Variants in ABHD6 observed in about 807,000 individuals in gnomAD.
ABHD6 encodes the protein monoacylglycerol lipase ABHD6.
In ABHD6, 33 loss-of-function variants were observed where a neutral mutation model predicts 38.8. The observed-to-expected ratio is 0.85, with a 90% CI of 0.64 to 1.14. The LOEUF (loss-of-function observed/expected upper bound fraction) is 1.14. ABHD6 is among the 50% of genes most tolerant of loss of function. The probability of loss-of-function intolerance (pLI) is 0.00; values close to 1 mark genes in which losing one functional copy is unlikely to be tolerated. For synonymous variants in ABHD6, 147 were observed against 161.6 expected (o/e 0.91, Z 0.69); for missense variants, 380 against 422.6 (o/e 0.90, Z 0.88).
intron 3 of ABHD6, among the ~76,000 whole-genome samples, chr3:58,261,767 T>C (rs747167199): frequency 1.3e-5 from 2 of 152,192 alleles, no homozygotes; most frequent in African/African-American, 2.4e-5. Context: ...TGTAAAATAG[T>C]ATAGTTGCTA....
rs567191092 is a variant in ABHD6 at position 58,254,801 on chromosome 3, T to G, written c.-25-1761T>G. Among the ~76,000 whole-genome samples the G allele has an allele frequency of 2.0e-5, 3 of 150,038 alleles. No homozygotes were observed. The South Asian group carries it at 6.3e-4, about 31-fold the overall frequency. ...GAAATATATATTTATTATATATTTA[T>G]ATTTATATACTTTATGATATATATG... On this transcript the variant is annotated intron_variant, in intron 2 of 9. Coordinates refer to ENST00000478253, the MANE Select transcript of ABHD6 (RefSeq NM_001320126.2).
chr3:58,290,307 A>T (rs1245273783), intron 9 of ABHD6, among the ~76,000 whole-genome samples: 1 of 63,446 alleles, frequency 1.6e-5, no homozygotes, highest in African/African-American at 6.5e-5. Context: ...GACCCCCCCC[A>T]CCTCCCTCCC....
rs746605515 is a variant in ABHD6, at chr3:58,286,848, G to GCATA, written c.837+1395_837+1396insCATA. Among the ~76,000 whole-genome samples, 375 of 69,836 alleles carry GCATA rather than the reference G, an allele frequency of 5.4e-3. 27 individuals are homozygous for GCATA. The highest frequency in any genetic ancestry group is 5.7e-3 in the South Asian group (9 of 1,574). The allele number at this position is 69,836 out of a possible 152,430, so 45.8% of individuals were successfully genotyped here. On this transcript the variant is annotated intron_variant, in intron 9 of 9. Transcript: ENST00000478253. ...TGTGTGTGTGTGTGTGTGTGTGTGTGTGTGTATATATATATATATATGTAT... is the reference window on the plus strand; with the variant it reads ...TGTGTGTGTGTGTGTGTGTGTGTGTGCATATGTGTATATATATATATATATGTAT...
In ABHD6 at chr3:58,273,979, A is replaced by G. The variant is rs1396374085; in HGVS notation, c.524-679A>G. Among the ~76,000 whole-genome samples, 1 of 152,208 alleles carries G rather than the reference A, an allele frequency of 6.6e-6. No individual in the cohort carries two copies. Among genetic ancestry groups the G allele is most frequent in the East Asian group, 1.9e-4 (1 of 5,194 alleles). ...GTGAAAATTAGTTTTGCCCTCTTGC[A>G]TACATAGCATCAGCTTCTGTGGACT... On this transcript the variant is annotated intron_variant, in intron 6 of 9. Transcript: ENST00000478253. The surrounding 1 kb of genome is among the most constrained non-coding windows in gnomAD (Gnocchi z 4.8).
chr3:58,248,297 A>G (rs2097427770), intron 1 of ABHD6, among the ~76,000 whole-genome samples: 1 of 152,252 alleles, frequency 6.6e-6, no homozygotes, highest in South Asian at 2.1e-4. Context: ...CACTATATGT[A>G]AGCGTGTAAA....
rs749395394 is a variant in ABHD6 at position 58,251,038 on chromosome 3, G to T, written c.-26+1096G>T. Among the ~76,000 whole-genome samples, 1 of 152,088 alleles carries T rather than the reference G, an allele frequency of 6.6e-6. No homozygotes were observed. Among genetic ancestry groups the T allele is most frequent in the African/African-American group, 2.4e-5 (1 of 41,408 alleles). ...TACTGTCAGCAGAAATCAGTAAGTC[G>T]GCTAGGTGCAGAAGCTTGCGCCTGT... On this transcript the variant is annotated intron_variant, in intron 2 of 9. Transcript: ENST00000478253. The surrounding 1 kb of genome is among the most constrained non-coding windows in gnomAD (Gnocchi z 5.4).
intron 1 of ABHD6, among the ~76,000 whole-genome samples, chr3:58,240,731 A>ATTTT (rs34994874): frequency 0.022 from 2,978 of 134,330 alleles, 139 homozygotes; most frequent in African/African-American, 0.067. Context: ...AACCTGGGTA[A>ATTTT]TTTTTTTTTT....
chr3:58,266,045 A>C lies in ABHD6; in HGVS notation c.120-1144A>C, dbSNP rs2097440631. On this transcript the variant is annotated intron_variant, in intron 3 of 9. Coordinates refer to ENST00000478253, the MANE Select transcript of ABHD6 (RefSeq NM_001320126.2). The surrounding 1 kb of genome is among the most constrained non-coding windows in gnomAD (Gnocchi z 4.0). ...TGAACAAAGTCGTGTTATGATTTAG[A>C]ATTTTGAAATACGCTTGCCTTGCTG... 6.6e-6 allele frequency among the ~76,000 whole-genome samples: 1 copy of C among 152,234 alleles called. No individual in the cohort carries two copies. The highest frequency in any genetic ancestry group is 2.4e-5 in the African/African-American group (1 of 41,454).
chr3:58,239,537 T>G (rs2097421390), intron 1 of ABHD6, among the ~76,000 whole-genome samples: 1 of 152,224 alleles, frequency 6.6e-6, no homozygotes, highest in Non-Finnish European at 1.5e-5. Flanking sequence ...TTTTATTATT[T>G]TGCCTTTTCG....
chr3:58,249,607 TTTC>T (rs1489054341), intron 1 of ABHD6, among the ~76,000 whole-genome samples: 1 of 152,220 alleles, frequency 6.6e-6, no homozygotes, highest in Non-Finnish European at 1.5e-5. Context: ...ACTTACCAGA[TTTC>T]TTCTTTGACC....
chr3:58,270,904 C>G (rs1228984135), intron 5 of ABHD6, 28 bp from the exon 6 acceptor site: 1 of 1,583,608 alleles, frequency 6.3e-7, no homozygotes, highest in South Asian at 1.2e-5. Context: ...GCTGTATAAC[C>G]AAGCTGCTTT....
At position 58,285,194 on chromosome 3, in the gene ABHD6, G is replaced by A. The variant is rs2097456035; in HGVS notation, c.736+55G>A. 29 of 1,579,908 alleles carry A rather than the reference G, an allele frequency of 1.8e-5. 1 individual carries two copies. The South Asian group carries it at 3.0e-4, about 16-fold the overall frequency. On this transcript the variant is annotated intron_variant, in intron 8 of 9. Transcript: ENST00000478253. The surrounding 1 kb of genome is among the most constrained non-coding windows in gnomAD (Gnocchi z 4.9). ...TGTTACAAGTGAAGCTCTGTGGATGGATGGCTTTTATTTCTTAAATCTCTG... is the reference window on the plus strand; with the variant it reads ...TGTTACAAGTGAAGCTCTGTGGATGAATGGCTTTTATTTCTTAAATCTCTG...
At chr3:58,243,827 A>AT (rs2097424490) in intron 1 of ABHD6, among the ~76,000 whole-genome samples, 1 of 151,794 alleles carries the variant, frequency 6.6e-6, no homozygotes, top group South Asian at 2.1e-4. Flanking sequence ...CGCCTGCCTA[A>AT]TTTTTTTGTG....
rs3038091 is a variant in ABHD6 at position 58,271,766 on chromosome 3, G to GTTTTTTTTTTTTTTTTTTTTTTTT, written c.523+703_523+726dup. ...CTCTCCTCTATCTCCCCCTCTCTCTGTTTTTTTTTTTTTTTTTTTTTTTTG... is the reference window on the plus strand; with the variant it reads ...CTCTCCTCTATCTCCCCCTCTCTCTGTTTTTTTTTTTTTTTTTTTTTTTTTTTTTTTTTTTTTTTTTTTTTTTTG... On this transcript the variant is annotated intron_variant, in intron 6 of 9. Coordinates refer to ENST00000478253, the MANE Select transcript of ABHD6 (RefSeq NM_001320126.2). Among the ~76,000 whole-genome samples the GTTTTTTTTTTTTTTTTTTTTTTTT allele has an allele frequency of 1.3e-4, 8 of 63,630 alleles. 1 individual carries two copies. Among genetic ancestry groups the GTTTTTTTTTTTTTTTTTTTTTTTT allele is most frequent in the Admixed American group, 2.4e-4 (1 of 4,086 alleles). 41.7% of individuals were successfully genotyped at this position (63,630 alleles called of 152,430 possible).
In ABHD6 at chr3:58,285,529, A is replaced by G. The variant is rs2097456283; in HGVS notation, c.837+76A>G. The G allele has an allele frequency of 3.8e-6, 5 of 1,306,874 alleles. No homozygotes were observed. Among genetic ancestry groups the G allele is most frequent in the Non-Finnish European group, 5.5e-6 (5 of 902,946 alleles). 81.0% of individuals were successfully genotyped at this position (1,306,874 alleles called of 1,614,324 possible). On this transcript the variant is annotated intron_variant, in intron 9 of 9. Transcript: ENST00000478253. This position sits in a 1 kb window ranked among gnomAD's most constrained non-coding sequence, Gnocchi z 4.9. ...GGAAAAACGTCCTTGAGGAAGAACA[A>G]GTGGTTATTTATGGAGTGAGCTGAT...
chr3:58,283,335 A>G (rs1370793306), intron 7 of ABHD6, among the ~76,000 whole-genome samples: 1 of 152,234 alleles, frequency 6.6e-6, no homozygotes, highest in Non-Finnish European at 1.5e-5. Context: ...AGAAAAATAA[A>G]TGGCAGCTCC....
rs1351370355 is a variant in ABHD6 at position 58,266,195 on chromosome 3, C to G, written c.120-994C>G. On this transcript the variant is annotated intron_variant, in intron 3 of 9. Transcript: ENST00000478253. The surrounding 1 kb of genome is among the most constrained non-coding windows in gnomAD (Gnocchi z 4.0). ...GGTTTAACCAGCTGGACGTCTGTAA[C>G]CCAAGCACTTTGGGAGGCCAACGTG... is the stretch of plus-strand genomic sequence containing the variant. Among the ~76,000 whole-genome samples, 1 of 152,136 alleles carries G rather than the reference C, an allele frequency of 6.6e-6. No homozygotes were observed.
rs78396175 is a variant in ABHD6 at position 58,290,784 on chromosome 3, G to A, written c.838-2805G>A. ...GCTCTCCACATCTCAGACAATGGGC[G>A]GCCGGGCAGAGACGCTCCTCACTTC... On this transcript the variant is annotated intron_variant, in intron 9 of 9. Transcript: ENST00000478253. Among the ~76,000 whole-genome samples, 4 of 151,334 alleles carry A rather than the reference G, an allele frequency of 2.6e-5. No homozygotes were observed. In the East Asian group the frequency reaches 5.9e-4, roughly 22 times the overall value.
rs1210587654 is a variant in ABHD6, at chr3:58,257,212, A to C, written c.119+507A>C. The stretch of plus-strand genomic sequence containing the variant: ...ATGAGCCATCATACCCGGCCCTTTT[A>C]GGTTTCTGATAGCATCTTTCTCCAC... On this transcript the variant is annotated intron_variant, in intron 3 of 9. Transcript: ENST00000478253. The surrounding 1 kb of genome is among the most constrained non-coding windows in gnomAD (Gnocchi z 4.8). 6.6e-6 allele frequency among the ~76,000 whole-genome samples: 1 copy of C among 151,718 alleles called. No individual in the cohort carries two copies. Among genetic ancestry groups the C allele is most frequent in the Non-Finnish European group, 1.5e-5 (1 of 67,878 alleles).
Sources: allele counts gnomAD v4.1 joint callset (sites outside exome capture counted in the v4.1 genomes callset), GRCh38; gene constraint gnomAD v4.1.1; non-coding constraint Gnocchi (gnomAD v3.1); transcripts MANE v1.5; gene names NCBI Gene and HGNC (gene_info 2026-07-23, HGNC 2026-07-21).